Variants in ANAPC10 observed in about 807,000 individuals in gnomAD.
The protein encoded by ANAPC10 is anaphase promoting complex subunit 10, also known as anaphase-promoting complex subunit 10.
A neutral mutation model predicts 22.0 loss-of-function variants in ANAPC10; 12 were observed. The observed-to-expected ratio is 0.55, with a 90% CI of 0.35 to 0.88. The LOEUF is 0.88. Among genes scored for constraint, ANAPC10 ranks in the 40% least tolerant of loss-of-function variants. The pLI, the probability that ANAPC10 is intolerant of heterozygous loss-of-function variation, is 0.01. For synonymous variants in ANAPC10, 65 were observed against 69.5 expected (o/e 0.94, Z 0.32); for missense variants, 188 against 220.9 (o/e 0.85, Z 0.94).
chr4:145,004,475 G>C (rs189032179), intron 4 of ANAPC10, among the ~76,000 whole-genome samples: 45 of 152,188 alleles, frequency 3.0e-4, no homozygotes, highest in South Asian at 6.2e-4. Context: ...GTTGGCTGTG[G>C]GTTTGTCAAA....
chr4:145,083,466 G>A (rs1420640211), intron 2 of ANAPC10, among the ~76,000 whole-genome samples: 1 of 151,994 alleles, frequency 6.6e-6, no homozygotes, highest in African/African-American at 2.4e-5. Context: ...AGAATCCTGG[G>A]TCATTTGAAT....
chr4:145,014,908 C>T (rs1044063203), intron 4 of ANAPC10, among the ~76,000 whole-genome samples: 1 of 152,150 alleles, frequency 6.6e-6, no homozygotes, highest in African/African-American at 2.4e-5. Context: ...ATCAAGGGAA[C>T]AGCCCATGGG....
Position 145,081,407 on chromosome 4 carries a change from A to G in ANAPC10, c.206+253T>C, listed in dbSNP as rs190945892. On this transcript the variant is annotated intron_variant, in intron 3 of 4. Transcript: ENST00000507656. ...TACCCGCAAAAAATAAATTATATTG[A>G]AAAGTATATTTGAGAAACATCTACA... 3 of 271,270 alleles carry G rather than the reference A, an allele frequency of 1.1e-5. No homozygotes were observed. The Admixed American group carries it at 1.5e-4, about 13-fold the overall frequency. 16.8% of individuals were successfully genotyped at this position (271,270 alleles called of 1,614,324 possible).
chr4:145,081,060 C>G (rs973147492), intron 3 of ANAPC10, among the ~76,000 whole-genome samples: 1 of 151,866 alleles, frequency 6.6e-6, no homozygotes. Flanking sequence ...TGCTTGAGGC[C>G]AGGAGTTCGA....
At chr4:145,051,172 T>G (rs889679275) in intron 4 of ANAPC10, among the ~76,000 whole-genome samples, 12 of 152,158 alleles carry the variant, frequency 7.9e-5, no homozygotes, top group African/African-American at 2.9e-4. Context: ...AGCCAATTAA[T>G]TAGGTTATTA....
chr4:145,041,837 G>A (rs930416989), intron 4 of ANAPC10, among the ~76,000 whole-genome samples: 2 of 152,046 alleles, frequency 1.3e-5, no homozygotes, highest in Admixed American at 1.3e-4. Context: ...AAATGTAAAC[G>A]TGCATCTGAA....
At chr4:145,028,235 G>T (rs1047445860) in intron 4 of ANAPC10, among the ~76,000 whole-genome samples, 2 of 152,136 alleles carry the variant, frequency 1.3e-5, no homozygotes, top group Non-Finnish European at 2.9e-5. Context: ...AATCTGGTGG[G>T]CACAATCTAA....
chr4:145,052,221 T>C (rs1029528867), intron 4 of ANAPC10, among the ~76,000 whole-genome samples: 12 of 152,158 alleles, frequency 7.9e-5, no homozygotes, highest in African/African-American at 2.7e-4. Flanking sequence ...AATAATAATA[T>C]ATTGTATACT....
At chr4:145,012,697 T>C (rs1734533817) in intron 4 of ANAPC10, among the ~76,000 whole-genome samples, 1 of 152,190 alleles carries the variant, frequency 6.6e-6, no homozygotes, top group Non-Finnish European at 1.5e-5. Flanking sequence ...CAGACCTGGA[T>C]GGCTTTATCA....
chr4:145,001,706 A>T (rs1158934005), intron 4 of ANAPC10, among the ~76,000 whole-genome samples: 1 of 152,156 alleles, frequency 6.6e-6, no homozygotes, highest in Non-Finnish European at 1.5e-5. Context: ...ATCAGCTGCT[A>T]TGGTATGAAA....
At chr4:145,010,597 C>G (rs1056945534) in intron 4 of ANAPC10, among the ~76,000 whole-genome samples, 1 of 152,078 alleles carries the variant, frequency 6.6e-6, no homozygotes, top group Non-Finnish European at 1.5e-5. Flanking sequence ...ACCACATATT[C>G]TAACTCATAG....
At chr4:145,023,244 G>A (rs1336368829) in intron 4 of ANAPC10, among the ~76,000 whole-genome samples, 1 of 151,948 alleles carries the variant, frequency 6.6e-6, no homozygotes, top group Non-Finnish European at 1.5e-5. Context: ...ATAACAACAG[G>A]CAAACAAAAC....
At chr4:145,063,774 C>A (rs1043700664) in intron 4 of ANAPC10, among the ~76,000 whole-genome samples, 4 of 151,986 alleles carry the variant, frequency 2.6e-5, no homozygotes, top group Non-Finnish European at 4.4e-5. Flanking sequence ...AAATACAACT[C>A]AGAAGTAAAA....
chr4:145,027,615 TTG>T, intron 4 of ANAPC10, among the ~76,000 whole-genome samples: 1 of 152,132 alleles, frequency 6.6e-6, no homozygotes, highest in Non-Finnish European at 1.5e-5. Context: ...TAAAAGCTAC[TTG>T]AGAGAAAAAT....
chr4:145,028,637 G>A (rs369951164), intron 4 of ANAPC10, among the ~76,000 whole-genome samples: 2 of 152,256 alleles, frequency 1.3e-5, no homozygotes, highest in South Asian at 2.1e-4. Flanking sequence ...ACCCAAAACT[G>A]CTAAGGACTC....
At chr4:145,027,630 A>G (rs997318730) in intron 4 of ANAPC10, among the ~76,000 whole-genome samples, 3 of 152,192 alleles carry the variant, frequency 2.0e-5, no homozygotes, top group African/African-American at 7.2e-5. Flanking sequence ...AGAAAAATAG[A>G]TCACATGCAA....
At chr4:145,025,896 G>T (rs1736589395) in intron 4 of ANAPC10, among the ~76,000 whole-genome samples, 1 of 152,154 alleles carries the variant, frequency 6.6e-6, no homozygotes. Context: ...CCCAGTGTGA[G>T]CAGGCAGTTG....
rs772341241 is a variant in ANAPC10, at chr4:145,031,253, T to C, written c.327+33319A>G. On this transcript the variant is annotated intron_variant, in intron 4 of 4. Coordinates refer to ENST00000507656, the MANE Select transcript of ANAPC10 (RefSeq NM_001256706.2). ...ACACTGGTCCATTACATTGATGACA[T>C]TGTGCTGACTGGATCCAGTGAGCAA... 4.6e-5 allele frequency among the ~76,000 whole-genome samples: 7 copies of C among 152,204 alleles called. No individual in the cohort carries two copies. The South Asian group carries it at 1.4e-3, about 32-fold the overall frequency.
chr4:145,010,823 T>TA (rs1734185598), intron 4 of ANAPC10, among the ~76,000 whole-genome samples: 2 of 151,344 alleles, frequency 1.3e-5, no homozygotes, highest in African/African-American at 4.9e-5. Context: ...TAAAATATAA[T>TA]AAAAAATAAA....
Sources: gnomAD v4.1 joint callset for allele counts (sites outside exome capture counted in the v4.1 genomes callset) on GRCh38, gnomAD v4.1.1 for gene constraint, MANE v1.5 for transcripts, NCBI Gene and HGNC (gene_info 2026-07-23, HGNC 2026-07-21) for gene names.